The following BTNL2 variants were observed in gnomAD, a reference collection of about 807,000 sequenced individuals.
The protein encoded by BTNL2 is butyrophilin like 2, also known as butyrophilin-like protein 2.
BTNL2 carries 46 observed loss-of-function variants against 46.8 expected under a neutral mutation model. That is an observed-to-expected ratio of 0.98 (90% CI 0.78 to 1.26). BTNL2 has a LOEUF of 1.26. BTNL2 is among the 50% of genes most tolerant of loss of function. The pLI is 0.00. For synonymous variants in BTNL2, 226 were observed against 229.1 expected (o/e 0.99, Z 0.12); for missense variants, 461 against 592.6 (o/e 0.78, Z 2.31).
intron 4 of BTNL2, among the ~76,000 whole-genome samples, chr6:32,400,990 C>T (rs566701406): frequency 7.1e-6 from 1 of 140,610 alleles, no homozygotes; most frequent in Non-Finnish European, 1.5e-5. Context: ...GGGGGGATCA[C>T]GAGATCAGGA....
rs775124519 is a variant in BTNL2 at position 32,405,379 on chromosome 6, C to T, written c.80-93G>A. ...GTCCAGCCTGTCAAAATGGAGGCAA[C>T]TAGAAGAGGGAGAGATATATGTTTA... On this transcript the variant is annotated intron_variant, in intron 1 of 7. Transcript: ENST00000454136. The T allele has an allele frequency of 1.9e-5, 21 of 1,113,832 alleles. No individual in the cohort carries two copies. The African/African-American group carries it at 3.1e-4, about 16-fold the overall frequency. The allele number at this position is 1,113,832 out of a possible 1,614,324, so 69.0% of individuals were successfully genotyped here.
At chr6:32,395,536 G>A (rs1006699006) in intron 5 of BTNL2, among the ~76,000 whole-genome samples, 2 of 152,212 alleles carry the variant, frequency 1.3e-5, no homozygotes, top group Admixed American at 1.3e-4. Flanking sequence ...AATGGCATCT[G>A]CTAACCTTGG....
At position 32,403,041 on chromosome 6, in the gene BTNL2, A is replaced by G. The variant is rs1562257161; in HGVS notation, c.603T>C (p.Tyr201=). 5 of 1,612,896 alleles carry G rather than the reference A, an allele frequency of 3.1e-6. No homozygotes were observed. The Admixed American group carries it at 5.0e-5, about 16-fold the overall frequency. Residue 201 remains tyrosine (Y), a synonymous_variant, in exon 3 of 8, where the codon TAT becomes TAC. Transcript: ENST00000454136. ...HRIQDKDGLF[Y]AEATLVVRNA... Reference sequence around the variant, plus strand: ...TCCTGACCACCAGGGTGGCTTCCGCATAGAACAGGCCATCTTTATCTTGGA... The same window carrying G: ...TCCTGACCACCAGGGTGGCTTCCGCGTAGAACAGGCCATCTTTATCTTGGA...
At chr6:32,401,918 T>TA in intron 3 of BTNL2, 113 bp from the exon 4 acceptor site, 4 of 796,004 alleles carry the variant, frequency 5.0e-6, no homozygotes, top group Non-Finnish European at 5.6e-6. Context: ...CTCAATTCAT[T>TA]AAAAAAATGA....
rs1406154683 is a variant in BTNL2, at chr6:32,394,657, A to G, written c.1360+87T>C. On this transcript the variant is annotated intron_variant, in intron 6 of 7. Transcript: ENST00000454136. This position sits in a 1 kb window ranked among gnomAD's most constrained non-coding sequence, Gnocchi z 4.6. ...TCAGAGATCAGCAAATAAAAATCAC[A>G]AAGGAAGAAGAGCAATACAATGAGT... 2 of 1,446,394 alleles carry G rather than the reference A, an allele frequency of 1.4e-6. No individual in the cohort carries two copies. The highest frequency in any genetic ancestry group is 1.9e-6 in the Non-Finnish European group (2 of 1,064,544). 89.6% of individuals were successfully genotyped at this position (1,446,394 alleles called of 1,614,324 possible).
chr6:32,395,653 T>C (rs1208708861), intron 5 of BTNL2, among the ~76,000 whole-genome samples: 3 of 152,208 alleles, frequency 2.0e-5, no homozygotes, highest in African/African-American at 7.2e-5. Flanking sequence ...ATAATTTTGG[T>C]TTACACAGTG....
In BTNL2 at chr6:32,399,079, TC is replaced by T. The variant is rs141741034; in HGVS notation, c.731-2694del. Among the ~76,000 whole-genome samples, 2 of 151,558 alleles carry T rather than the reference TC, an allele frequency of 1.3e-5. No homozygotes were observed. The highest frequency in any genetic ancestry group is 4.3e-4 in the South Asian group (2 of 4,692). ...TAGCTGTTCTTCCTGATGCTCTCCC[TC>T]CCCCATCCCCCAACAGGTGTCCAGT... is the stretch of plus-strand genomic sequence containing the variant. On this transcript the variant is annotated intron_variant, in intron 4 of 7. Transcript: ENST00000454136. This position sits in a 1 kb window ranked among gnomAD's most constrained non-coding sequence, Gnocchi z 5.2.
rs1583248139 is a variant in BTNL2 at position 32,393,797 on chromosome 6, T to C, written c.*6+166A>G. 1.1e-6 allele frequency: 1 copy of C among 900,744 alleles called. No homozygotes were observed. Among genetic ancestry groups the C allele is most frequent in the East Asian group, 2.9e-5 (1 of 34,746 alleles). 55.8% of individuals were successfully genotyped at this position (900,744 alleles called of 1,614,324 possible). ...CACTGACCTCATGCATCACTGAGCC[T>C]GGATTGCATGATAAGCCCTGGGCTT... On this transcript the variant is annotated intron_variant, in intron 7 of 7. Coordinates refer to ENST00000454136, the MANE Select transcript of BTNL2 (RefSeq NM_001304561.2). This position sits in a 1 kb window ranked among gnomAD's most constrained non-coding sequence, Gnocchi z 4.8.
rs756219665 is a variant in BTNL2 at position 32,405,308 on chromosome 6, G to A, written c.80-22C>T. On this transcript the variant is annotated intron_variant, in intron 1 of 7. Transcript: ENST00000454136. ...TCTTCTATAAAATAAGTGAAAAAGA[G>A]GAACGAGGAAATGCCAATCAGAAAA... 3.7e-6 allele frequency: 6 copies of A among 1,608,888 alleles called. No individual in the cohort carries two copies. In the African/African-American group the frequency reaches 5.3e-5, roughly 14 times the overall value.
Position 32,396,427 on chromosome 6 carries a change from A to G in BTNL2, c.731-41T>C, listed in dbSNP as rs1484207262. The G allele has an allele frequency of 6.5e-7, 1 of 1,536,400 alleles. No individual in the cohort carries two copies. Among genetic ancestry groups the G allele is most frequent in the Non-Finnish European group, 8.9e-7 (1 of 1,121,656 alleles). On this transcript the variant is annotated intron_variant, in intron 4 of 7. Transcript: ENST00000454136. The surrounding 1 kb of genome is among the most constrained non-coding windows in gnomAD (Gnocchi z 4.4). ...GACAAAACACAATGAAAGAATCAAA[A>G]TGGAACCAATAATGTCATCTCTAAG...
chr6:32,396,467 A>C lies in BTNL2; in HGVS notation c.731-81T>G, dbSNP rs1208000086. 17 of 1,367,534 alleles carry C rather than the reference A, an allele frequency of 1.2e-5. 1 individual carries two copies. The South Asian group carries it at 2.0e-4, about 16-fold the overall frequency. The allele number at this position is 1,367,534 out of a possible 1,614,324, so 84.7% of individuals were successfully genotyped here. On this transcript the variant is annotated intron_variant, in intron 4 of 7. Transcript: ENST00000454136. The surrounding 1 kb of genome is among the most constrained non-coding windows in gnomAD (Gnocchi z 4.4). ...TCATCTCTAAGAACAGCTCCATTGG[A>C]GTTTAGAAACCATGAGCATCCCAGG...
rs745983253 is a variant in BTNL2 at position 32,405,189 on chromosome 6, C to T, written c.177G>A (p.Met59Ile). Reference protein sequence around the residue: ...TCQLLPKRTTMHVEVRWYRSE... With the variant: ...TCQLLPKRTTIHVEVRWYRSE... ...AGCGGTACCACCTCACCTCCACGTG[C>T]ATTGTGGTCCTCTTGGGGAGTAGCT... The change falls in exon 2 of 8, where the codon ATG becomes ATA. Residue 59 changes from methionine to isoleucine, a missense_variant. Transcript: ENST00000454136. 6 of 1,613,068 alleles carry T rather than the reference C, an allele frequency of 3.7e-6. 1 individual carries two copies. The Admixed American group carries it at 1.0e-4, about 27-fold the overall frequency.
chr6:32,405,829 GTTTGT>G (rs1562261304), intron 1 of BTNL2, among the ~76,000 whole-genome samples: 1 of 83,840 alleles, frequency 1.2e-5, no homozygotes. Flanking sequence ...TTTTTTTTTT[GTTTGT>G]TTTTTTCCCG....
In BTNL2 at chr6:32,394,800, C is replaced by A; in HGVS notation, c.1304G>T (p.Cys435Phe). 10 of 1,614,162 alleles carry A rather than the reference C, an allele frequency of 6.2e-6. No homozygotes were observed. The highest frequency in any genetic ancestry group is 8.5e-6 in the Non-Finnish European group (10 of 1,179,996). Residue 435 changes from cysteine (C) to phenylalanine (F), a missense_variant, in exon 6 of 8, where the codon TGT becomes TTT. Physicochemically the swap from Cys to Phe is radical, Grantham distance 205. Coordinates refer to ENST00000454136, the MANE Select transcript of BTNL2 (RefSeq NM_001304561.2). This position sits in a 1 kb window ranked among gnomAD's most constrained non-coding sequence, Gnocchi z 4.6. Reference sequence around the variant, plus strand: ...GCCCAAAAAGGGGATGCTGATGGAACAAGTGACGTCCACAGCGGAGATGTT... The same window carrying A: ...GCCCAAAAAGGGGATGCTGATGGAAAAAGTGACGTCCACAGCGGAGATGTT... ...VTNISAVDVT[C>F]SISIPFLGEE...
chr6:32,395,460 T>G (rs1776384546), intron 5 of BTNL2, among the ~76,000 whole-genome samples: 1 of 152,200 alleles, frequency 6.6e-6, no homozygotes, highest in Non-Finnish European at 1.5e-5. Context: ...ACGTGTTTAT[T>G]AATTTAGAAT....
intron 4 of BTNL2, among the ~76,000 whole-genome samples, chr6:32,397,859 T>G (rs1776542973): frequency 6.6e-6 from 1 of 152,244 alleles, no homozygotes; most frequent in South Asian, 2.1e-4. Flanking sequence ...CTAGGTGGAC[T>G]TTATAGTACC....
intron 1 of BTNL2, among the ~76,000 whole-genome samples, chr6:32,405,805 C>CTGTTTTTTTTTT (rs764094260): frequency 6.3e-5 from 5 of 79,486 alleles, no homozygotes; most frequent in Admixed American, 3.7e-4. Flanking sequence ...GATATAAAAA[C>CTGTTTTTTTTTT]TGTTTTTTTT....
In BTNL2 at chr6:32,404,914, C is replaced by A. The variant is rs1176721626; in HGVS notation, c.427+25G>T. On this transcript the variant is annotated intron_variant, in intron 2 of 7. Coordinates refer to ENST00000454136, the MANE Select transcript of BTNL2 (RefSeq NM_001304561.2). ...TTAATATATCTCTGCCTCTTGAGACCCTGTGTCTTTCCCCAGATATTCACC... is the reference window on the plus strand; with the variant it reads ...TTAATATATCTCTGCCTCTTGAGACACTGTGTCTTTCCCCAGATATTCACC... The A allele has an allele frequency of 3.8e-6, 6 of 1,596,522 alleles. No homozygotes were observed. The Admixed American group carries it at 5.0e-5, about 13-fold the overall frequency.
rs67808421 is a variant in BTNL2 at position 32,394,495 on chromosome 6, A to T, written c.1360+249T>A. ...AAGAGAGAGAGTGAAAACAGGGTCA[A>T]TTACGAGAATTTAGTGTGTATCCAA... is the stretch of plus-strand genomic sequence containing the variant. On this transcript the variant is annotated intron_variant, in intron 6 of 7. Transcript: ENST00000454136. The surrounding 1 kb of genome is among the most constrained non-coding windows in gnomAD (Gnocchi z 4.6). Among the ~76,000 whole-genome samples the T allele has an allele frequency of 0.14, 21,175 of 152,198 alleles. 1,594 individuals carry two copies. The highest frequency in any genetic ancestry group is 0.14 in the Non-Finnish European group (9,628 of 67,994).
Sources: gnomAD v4.1 joint callset for allele counts (sites outside exome capture counted in the v4.1 genomes callset) on GRCh38, gnomAD v4.1.1 for gene constraint, Gnocchi (gnomAD v3.1) non-coding constraint, MANE v1.5 for transcripts, NCBI Gene and HGNC (gene_info 2026-07-23, HGNC 2026-07-21) for gene names.